The following UNC13C variants were observed in gnomAD, a reference collection of about 807,000 sequenced individuals.
UNC13C encodes unc-13 homolog C.
Under a neutral mutation model 245.4 loss-of-function variants are expected in UNC13C, and 174 were observed. The ratio of observed to expected loss-of-function variants is 0.71; its 90% CI spans 0.63 to 0.80. The LOEUF (loss-of-function observed/expected upper bound fraction) is 0.80. Among genes scored for constraint, UNC13C ranks in the 30% least tolerant of loss-of-function variants. The pLI is 0.00. For missense variants in UNC13C, 2,829 were observed against 2,602.9 expected (o/e 1.09, Z -1.89); for synonymous variants, 992 against 895.1 (o/e 1.11, Z -1.93).
chr15:54,425,773 A>G (rs1015539077), intron 19 of UNC13C, among the ~76,000 whole-genome samples: 3 of 151,910 alleles, frequency 2.0e-5, no homozygotes, highest in Non-Finnish European at 4.4e-5. Context: ...GCAACAAATT[A>G]TCACCAAAGT....
intron 2 of UNC13C, among the ~76,000 whole-genome samples, chr15:54,081,700 C>G (rs1033743796): frequency 9.2e-5 from 14 of 151,920 alleles, no homozygotes; most frequent in Non-Finnish European, 1.5e-4. Flanking sequence ...TAATATGGGA[C>G]TCTTGAAGGC....
chr15:53,934,076 T>C, the UNC13C span, among the ~76,000 whole-genome samples: 2 of 152,286 alleles, frequency 1.3e-5, no homozygotes, highest in Non-Finnish European at 2.9e-5. Context: ...AGAGCCAGCA[T>C]ATTACATTGC....
chr15:54,583,383 C>T (rs1898297575), intron 30 of UNC13C, among the ~76,000 whole-genome samples: 1 of 152,060 alleles, frequency 6.6e-6, no homozygotes, highest in African/African-American at 2.4e-5. Flanking sequence ...CAAGATAAAC[C>T]TGAAACTAAA....
chr15:54,387,355 A>C (rs2039860830), intron 17 of UNC13C, among the ~76,000 whole-genome samples: 3 of 152,164 alleles, frequency 2.0e-5, no homozygotes, highest in Admixed American at 2.0e-4. Flanking sequence ...CTTTCCTTTA[A>C]ACCATGTAAG....
intron 17 of UNC13C, among the ~76,000 whole-genome samples, chr15:54,382,948 GA>G (rs2039758721): frequency 6.6e-6 from 1 of 152,026 alleles, no homozygotes; most frequent in Non-Finnish European, 1.5e-5. Flanking sequence ...AAACCTAGAA[GA>G]AATGAATAGA....
the UNC13C span, among the ~76,000 whole-genome samples, chr15:53,883,567 T>A: frequency 1.3e-5 from 2 of 152,218 alleles, no homozygotes; most frequent in African/African-American, 4.8e-5. Flanking sequence ...GGTAAAGCAA[T>A]CAAATACATA....
intron 2 of UNC13C, among the ~76,000 whole-genome samples, chr15:54,089,326 A>G (rs1403275037): frequency 6.6e-6 from 1 of 152,194 alleles, no homozygotes; most frequent in Non-Finnish European, 1.5e-5. Context: ...TGTGTCTACA[A>G]TTACCATTAC....
At chr15:54,063,594 C>A (rs1404236526) in intron 2 of UNC13C, among the ~76,000 whole-genome samples, 1 of 151,958 alleles carries the variant, frequency 6.6e-6, no homozygotes, top group African/African-American at 2.4e-5. Flanking sequence ...TTTATGGAAG[C>A]AAACTGGTAT....
Position 54,506,563 on chromosome 15 carries a change from A to G in UNC13C, c.5302-554A>G, listed in dbSNP as rs181249221. ...ATTTTCTGTCTGTGTGTTATCTCTT[A>G]TTTCAGGATTTCATTGTGATTTTCA... On this transcript the variant is annotated intron_variant, in intron 22 of 32. Coordinates refer to ENST00000260323, the MANE Select transcript of UNC13C (RefSeq NM_001080534.3). Among the ~76,000 whole-genome samples the G allele has an allele frequency of 1.8e-4, 28 of 152,104 alleles. No individual in the cohort carries two copies. The East Asian group carries it at 5.0e-3, about 27-fold the overall frequency.
intron 30 of UNC13C, among the ~76,000 whole-genome samples, chr15:54,602,139 C>A (rs552051064): frequency 6.6e-6 from 1 of 152,180 alleles, no homozygotes; most frequent in Non-Finnish European, 1.5e-5. Flanking sequence ...CCTGAAGGGC[C>A]TCTGAGGACC....
intron 19 of UNC13C, among the ~76,000 whole-genome samples, chr15:54,453,497 C>G (rs1891296963): frequency 6.6e-6 from 1 of 152,184 alleles, no homozygotes; most frequent in Non-Finnish European, 1.5e-5. Flanking sequence ...TAACCTTCAG[C>G]TTTTTAACTA....
chr15:54,555,583 A>C, intron 29 of UNC13C, 71 bp downstream of exon 29: 1 of 1,185,196 alleles, frequency 8.4e-7, no homozygotes, highest in Non-Finnish European at 1.2e-6. Context: ...GGTAGCCCTG[A>C]TCTTAGCCAT....
At chr15:54,626,657 TTAACATTCGCTTTCTAAG>T (rs1204029120) in intron 32 of UNC13C, among the ~76,000 whole-genome samples, 153 bp from the exon 33 acceptor site, 3 of 152,162 alleles carry the variant, frequency 2.0e-5, no homozygotes, top group South Asian at 4.1e-4. Context: ...AAAAGTCATT[TTAACATTCGCTTTCTAAG>T]CCAAATTTAA....
At chr15:54,363,319 G>C (rs1386174671) in intron 17 of UNC13C, among the ~76,000 whole-genome samples, 3 of 152,146 alleles carry the variant, frequency 2.0e-5, no homozygotes, top group Non-Finnish European at 4.4e-5. Context: ...ATGTTGGCCA[G>C]GCTGGTCTTG....
At position 54,014,128 on chromosome 15, in the gene UNC13C, C is replaced by A; in HGVS notation, c.1225C>A (p.Leu409Ile). The A allele has an allele frequency of 6.2e-7, 1 of 1,613,714 alleles. No individual in the cohort carries two copies. Among genetic ancestry groups the A allele is most frequent in the Non-Finnish European group, 8.5e-7 (1 of 1,179,814 alleles). The change falls in exon 2 of 33, where the codon CTA (leucine) becomes ATA (isoleucine). Residue 409 changes from leucine to isoleucine, a missense_variant. Leu to Ile is a conservative substitution (Grantham distance 5, BLOSUM62 2). Coordinates refer to ENST00000260323, the MANE Select transcript of UNC13C (RefSeq NM_001080534.3). ...GTGIGISTDI[L>I]THDIRERKEK... ...AGGCATTGGAATCTCAACAGATATT[C>A]TAACTCATGACATCAGAGAAAGAAA...
chr15:54,042,629 G>A (rs1483759722), intron 2 of UNC13C, among the ~76,000 whole-genome samples: 7 of 152,170 alleles, frequency 4.6e-5, no homozygotes, highest in East Asian at 3.9e-4. Flanking sequence ...TGAGGCGGGC[G>A]GATCACAAGG....
chr15:53,866,940 C>G, the UNC13C span, among the ~76,000 whole-genome samples: 34 of 152,068 alleles, frequency 2.2e-4, no homozygotes, highest in African/African-American at 8.2e-4. Context: ...AAAGATGGGT[C>G]AACATTTGGA....
downstream of UNC13C, chr15:54,630,588 C>A (rs1479344242): frequency 5.3e-5 from 8 of 152,076 alleles, no homozygotes; most frequent in Non-Finnish European, 1.5e-5. Context: ...TAGAAAAATT[C>A]TTGGGCACAC....
In UNC13C at chr15:54,484,909, A is replaced by G. The variant is rs539620370; in HGVS notation, c.4934-9699A>G. Among the ~76,000 whole-genome samples, 5 of 152,342 alleles carry G rather than the reference A, an allele frequency of 3.3e-5. No individual in the cohort carries two copies. The East Asian group carries it at 5.8e-4, about 18-fold the overall frequency. ...GATTTGAGTGTTTTAATAAAAAACT[A>G]TAAGTAATGATTTTGTAATAAAAGT... On this transcript the variant is annotated intron_variant, in intron 19 of 32. Coordinates refer to ENST00000260323, the MANE Select transcript of UNC13C (RefSeq NM_001080534.3).
Sources: gnomAD v4.1 joint callset for allele counts (sites outside exome capture counted in the v4.1 genomes callset) on GRCh38, gnomAD v4.1.1 for gene constraint, MANE v1.5 for transcripts, NCBI Gene and HGNC (gene_info 2026-07-23, HGNC 2026-07-21) for gene names.